CLASP1: variants seen among roughly 807,000 people sequenced by gnomAD.
CLASP1 encodes cytoplasmic linker associated protein 1.
Under a neutral mutation model 192.3 loss-of-function variants are expected in CLASP1, and 38 were observed. The observed-to-expected ratio is 0.20, with a 90% CI of 0.15 to 0.26. The LOEUF is 0.26. Among genes scored for constraint, CLASP1 ranks in the 10% least tolerant of loss-of-function variants. The probability of loss-of-function intolerance (pLI) is 1.00; values close to 1 mark genes in which losing one functional copy is unlikely to be tolerated. For synonymous variants in CLASP1, 691 were observed against 712.8 expected, an observed-to-expected ratio of 0.97 and a Z score of 0.49; for missense variants, 1,433 against 1,932.5, an observed-to-expected ratio of 0.74 and a Z score of 4.85.
intron 19 of CLASP1, among the ~76,000 whole-genome samples, chr2:121,433,483 G>A (rs752467590): frequency 6.6e-6 from 1 of 152,134 alleles, no homozygotes; most frequent in Admixed American, 6.5e-5. Flanking sequence ...GGTGAGGCAC[G>A]GCGGCTCACG....
At chr2:121,382,908 C>T (rs559552111) in intron 32 of CLASP1, among the ~76,000 whole-genome samples, 20 of 152,310 alleles carry the variant, frequency 1.3e-4, no homozygotes, top group Non-Finnish European at 2.1e-4. Context: ...CTGAAACAAC[C>T]GTAGCACCAC....
intron 34 of CLASP1, 63 bp downstream of exon 35, chr2:121,377,436 C>G: frequency 8.5e-7 from 1 of 1,174,552 alleles, no homozygotes; most frequent in East Asian, 2.4e-5. Flanking sequence ...GGTCAGTGTT[C>G]AGAAGTCTCA....
At chr2:121,479,373 T>C (rs1285597192) in intron 8 of CLASP1, among the ~76,000 whole-genome samples, 1 of 152,230 alleles carries the variant, frequency 6.6e-6, no homozygotes, top group African/African-American at 2.4e-5. Flanking sequence ...AAATCCATCG[T>C]ATATTCTATA....
intron 22 of CLASP1, among the ~76,000 whole-genome samples, chr2:121,423,741 TAA>T (rs1489054787): frequency 1.3e-5 from 2 of 152,228 alleles, no homozygotes; most frequent in African/African-American, 4.8e-5. Flanking sequence ...ACTTGTCAGC[TAA>T]GAGACCACAC....
chr2:121,534,184 C>T (rs566409657), intron 2 of CLASP1, among the ~76,000 whole-genome samples: 2 of 152,346 alleles, frequency 1.3e-5, no homozygotes, highest in African/African-American at 4.8e-5. Context: ...CACAGAGAAT[C>T]ACTTTTAATA....
chr2:121,507,516 C>T (rs1019417192), intron 7 of CLASP1, among the ~76,000 whole-genome samples: 7 of 152,226 alleles, frequency 4.6e-5, no homozygotes, highest in East Asian at 3.9e-4. Flanking sequence ...AAAGGAGATA[C>T]GGTACTTTTC....
chr2:121,621,403 G>C (rs1340751633), intron 1 of CLASP1, among the ~76,000 whole-genome samples: 1 of 152,016 alleles, frequency 6.6e-6, no homozygotes, highest in African/African-American at 2.4e-5. Flanking sequence ...CAAAGTGCTG[G>C]GATTACAGGT....
rs1464570954 is a variant in CLASP1 at position 121,450,161 on chromosome 2, G to A, written c.1523+752C>T. ...CCTGGCTAACACGGTGAAACCATGT[G>A]TCTACTAAAAATACAAAACATTAGC... On this transcript the variant is annotated intron_variant, in intron 16 of 39. Coordinates refer to ENST00000263710, the Ensembl canonical transcript of CLASP1. Among the ~76,000 whole-genome samples, 4 of 151,916 alleles carry A rather than the reference G, an allele frequency of 2.6e-5. No individual in the cohort carries two copies. In the East Asian group the frequency reaches 5.8e-4, roughly 22 times the overall value.
chr2:121,402,494 C>CTGT (rs2076284348), intron 26 of CLASP1: 2 of 476,468 alleles, frequency 4.2e-6, no homozygotes, highest in Admixed American at 4.3e-5. Context: ...CCAGGGGTCT[C>CTGT]CTGTGAGACA....
intron 24 of CLASP1, among the ~76,000 whole-genome samples, chr2:121,408,617 T>C (rs1337045900): frequency 6.6e-6 from 1 of 152,234 alleles, no homozygotes; most frequent in African/African-American, 2.4e-5. Context: ...GTCATAATTA[T>C]TGATAGCATC....
chr2:121,417,749 A>C, intron 23 of CLASP1, among the ~76,000 whole-genome samples: 1 of 152,256 alleles, frequency 6.6e-6, no homozygotes, highest in East Asian at 1.9e-4. Flanking sequence ...GATCAGAAGA[A>C]GTGAATAACA....
At chr2:121,396,929 C>T (rs1443745295) in intron 30 of CLASP1, among the ~76,000 whole-genome samples, 1 of 152,102 alleles carries the variant, frequency 6.6e-6, no homozygotes, top group Non-Finnish European at 1.5e-5. Context: ...AAAGTAGATG[C>T]CTGGGGAAAC....
intron 2 of CLASP1, chr2:121,531,099 A>G (rs939461579): frequency 2.3e-5 from 15 of 651,022 alleles, no homozygotes; most frequent in African/African-American, 3.6e-5. Flanking sequence ...GAGGGTGCAC[A>G]AGACGCGTGG....
intron 4 of CLASP1, 53 bp downstream of exon 4, chr2:121,528,624 G>T: frequency 1.5e-6 from 2 of 1,371,598 alleles, no homozygotes; most frequent in Non-Finnish European, 2.1e-6. Context: ...ACCCTCGCAC[G>T]TGCATGCACG....
intron 2 of CLASP1, among the ~76,000 whole-genome samples, chr2:121,547,778 C>A (rs564679200): frequency 6.6e-6 from 1 of 152,074 alleles, no homozygotes; most frequent in East Asian, 1.9e-4. Flanking sequence ...AGTATGCCTA[C>A]GTGCCACATA....
rs571762581 is a variant in CLASP1, at chr2:121,465,331, A to G, written c.866-2726T>C. On this transcript the variant is annotated intron_variant, in intron 9 of 39. Coordinates refer to ENST00000263710, the Ensembl canonical transcript of CLASP1. The stretch of plus-strand genomic sequence containing the variant: ...AGCAAGTTCAGCAAAGTCTCAGGAT[A>G]CAAAATCAATGTACAAAAATCACAA... Among the ~76,000 whole-genome samples the G allele has an allele frequency of 1.7e-4, 26 of 152,356 alleles. No individual in the cohort carries two copies. In the South Asian group the frequency reaches 5.0e-3, roughly 29 times the overall value.
intron 3 of CLASP1, among the ~76,000 whole-genome samples, chr2:121,529,355 C>T (rs2094684208): frequency 1.3e-5 from 2 of 152,222 alleles, no homozygotes; most frequent in Admixed American, 6.5e-5. Flanking sequence ...ACCTCTATTA[C>T]ATGAGATATC....
intron 1 of CLASP1, among the ~76,000 whole-genome samples, chr2:121,628,177 C>G (rs532423253): frequency 6.6e-6 from 1 of 152,140 alleles, no homozygotes; most frequent in Admixed American, 6.5e-5. Context: ...AAAAGAAAAG[C>G]GCAAAAAGAG....
intron 26 of CLASP1, among the ~76,000 whole-genome samples, chr2:121,402,276 A>G (rs1453758778): frequency 2.0e-5 from 3 of 152,252 alleles, no homozygotes; most frequent in Non-Finnish European, 4.4e-5. Flanking sequence ...GGCTTAGAAT[A>G]AAATATATAA....
Sources: gnomAD v4.1 joint callset for allele counts (sites outside exome capture counted in the v4.1 genomes callset) on GRCh38, gnomAD v4.1.1 for gene constraint, MANE v1.5 for transcripts, NCBI Gene and HGNC (gene_info 2026-07-23, HGNC 2026-07-21) for gene names.